The following ZNF276 variants were observed in gnomAD, a reference collection of about 807,000 sequenced individuals.
The protein encoded by ZNF276 is zinc finger protein 276, also known as centromere protein Z.
In ZNF276, 59 loss-of-function variants were observed where a neutral mutation model predicts 63.9. The observed-to-expected ratio is 0.92, with a 90% CI of 0.75 to 1.15. The LOEUF is 1.15. ZNF276 is among the 50% of genes most tolerant of loss of function. The probability of loss-of-function intolerance (pLI) is 0.00; values close to 1 mark genes in which losing one functional copy is unlikely to be tolerated. For missense variants in ZNF276, 1,084 were observed against 843.8 expected, an observed-to-expected ratio of 1.28 and a Z score of -3.53; for synonymous variants, 496 against 348.4, an observed-to-expected ratio of 1.42 and a Z score of -4.72.
intron 9 of ZNF276, among the ~76,000 whole-genome samples, chr16:89,734,359 T>A (rs2061778312): frequency 6.6e-6 from 1 of 152,104 alleles, no homozygotes; most frequent in African/African-American, 2.4e-5. Context: ...GGAGTCCTGC[T>A]CTGTTGCCCA....
At chr16:89,722,945 G>A in intron 2 of ZNF276, 111 bp downstream of exon 2, 1 of 1,555,418 alleles carries the variant, frequency 6.4e-7, no homozygotes, top group Non-Finnish European at 8.7e-7. Flanking sequence ...GGGGGGAATG[G>A]GCCATGCCCG....
At chr16:89,737,435 C>T (rs567843742) in intron 9 of ZNF276, 18 of 254,702 alleles carry the variant, frequency 7.1e-5, no homozygotes, top group African/African-American at 2.7e-4. Flanking sequence ...GCACAAGAAT[C>T]GCTTGAGCCT....
At chr16:89,724,280 G>A (rs912853949) in intron 4 of ZNF276, among the ~76,000 whole-genome samples, 1 of 152,206 alleles carries the variant, frequency 6.6e-6, no homozygotes, top group Non-Finnish European at 1.5e-5. Context: ...GCCAGGGCCA[G>A]TTTCCCTCCG....
rs781538321 is a variant in ZNF276, at chr16:89,733,338, G to T, written c.1206G>T (p.Lys402Asn). The change falls in exon 7 of 11, where the codon AAG becomes AAT. Residue 402 changes from lysine (K) to asparagine (N), a missense_variant. By Grantham distance (94) the Lys-to-Asn change is moderately conservative (BLOSUM62 0). Coordinates refer to ENST00000443381, the MANE Select transcript of ZNF276 (RefSeq NM_001113525.2). ...AGAAGAGTGAAAGCAAAGAAGCCAA[G>T]AAGTCTGAAGAACCAAGAATTCGGA... is the stretch of plus-strand genomic sequence containing the variant. ...SGKKSESKEA[K>N]KSEEPRIRKK... 4 of 1,614,048 alleles carry T rather than the reference G, an allele frequency of 2.5e-6. No individual in the cohort carries two copies. In the South Asian group the frequency reaches 3.3e-5, roughly 13 times the overall value.
In ZNF276 at chr16:89,739,693, G is replaced by A. The variant is rs2062076537; in HGVS notation, c.*1447G>A. On this transcript the variant is annotated 3_prime_UTR_variant, in exon 11 of 11. Transcript: ENST00000443381. The stretch of plus-strand genomic sequence containing the variant: ...TGTGGGGCGAACAGCCTGAGCTGAG[G>A]ATACCCAGGTACCTGTCAGCAGCTG... The A allele has an allele frequency of 2.0e-6, 3 of 1,509,586 alleles. No individual in the cohort carries two copies. Among genetic ancestry groups the A allele is most frequent in the South Asian group, 2.4e-5 (2 of 82,030 alleles). 93.5% of individuals were successfully genotyped at this position (1,509,586 alleles called of 1,614,324 possible).
intron 6 of ZNF276, chr16:89,732,692 G>A (rs1287516811): frequency 4.4e-5 from 7 of 159,678 alleles, no homozygotes; most frequent in East Asian, 2.1e-4. Context: ...GTGCTCACCC[G>A]ACCCTGCTGT....
chr16:89,734,747 A>C (rs909049202), intron 9 of ZNF276, among the ~76,000 whole-genome samples: 1 of 152,094 alleles, frequency 6.6e-6, no homozygotes, highest in Non-Finnish European at 1.5e-5. Context: ...CGTGTCATTA[A>C]GACCGGAGGC....
At chr16:89,728,515 G>T (rs968017953) in intron 5 of ZNF276, among the ~76,000 whole-genome samples, 9 of 152,086 alleles carry the variant, frequency 5.9e-5, no homozygotes, top group Non-Finnish European at 7.4e-5. Context: ...GCCATTCTCC[G>T]GCCTCAGCCT....
chr16:89,720,597 G>A, upstream of ZNF276: 23 of 1,225,900 alleles, frequency 1.9e-5, no homozygotes, highest in Non-Finnish European at 2.3e-5. Flanking sequence ...CTGCACGCCC[G>A]GCTGCGCCCC....
chr16:89,739,416 G>C lies in ZNF276; in HGVS notation c.*1170G>C. The C allele has an allele frequency of 6.4e-7, 1 of 1,555,092 alleles. No individual in the cohort carries two copies. The highest frequency in any genetic ancestry group is 1.2e-5 in the South Asian group (1 of 85,384). On this transcript the variant is annotated 3_prime_UTR_variant, in exon 11 of 11. Coordinates refer to ENST00000443381, the MANE Select transcript of ZNF276 (RefSeq NM_001113525.2). ...CCTTCCCATCTGGCGGGACCCAGAG[G>C]TGCTGAGATGGGGGTCTGGGAAACA...
In ZNF276 at chr16:89,740,180, A is replaced by G; in HGVS notation, c.*1934A>G. 6 of 1,084,886 alleles carry G rather than the reference A, an allele frequency of 5.5e-6. No homozygotes were observed. Among genetic ancestry groups the G allele is most frequent in the Non-Finnish European group, 8.6e-6 (6 of 698,660 alleles). The allele number at this position is 1,084,886 out of a possible 1,614,324, so 67.2% of individuals were successfully genotyped here. On this transcript the variant is annotated 3_prime_UTR_variant, in exon 11 of 11. Transcript: ENST00000443381. ...AGGAGGGTACAGCCCTCAGCACAGA[A>G]GAGGGCATTTCCTCTTTGCTTATTG...
chr16:89,740,011 A>T lies in ZNF276; in HGVS notation c.*1765A>T. ...TTTCTTACCACTCTCTGTCAACTGA[A>T]AGAGTGCCAGCCAGGATATCTTCCT... On this transcript the variant is annotated 3_prime_UTR_variant, in exon 11 of 11. Coordinates refer to ENST00000443381, the MANE Select transcript of ZNF276 (RefSeq NM_001113525.2). 1 of 1,614,136 alleles carries T rather than the reference A, an allele frequency of 6.2e-7. No individual in the cohort carries two copies. Among genetic ancestry groups the T allele is most frequent in the Non-Finnish European group, 8.5e-7 (1 of 1,179,986 alleles).
In ZNF276 at chr16:89,722,814, T is replaced by A. The variant is rs1256906411; in HGVS notation, c.489T>A (p.Gly163=). ...AGAGGGTCAACGCCTCCCCGGCTGGTCGCCGGAAGCCTTGTGCAAAGTACG... is the reference window on the plus strand; with the variant it reads ...AGAGGGTCAACGCCTCCCCGGCTGGACGCCGGAAGCCTTGTGCAAAGTACG... The part of the protein sequence containing the change: ...FLQRVNASPA[G]RRKPCAKVGA... Residue 163 remains glycine (G), a synonymous_variant, in exon 2 of 11, where the codon GGT becomes GGA. Transcript: ENST00000443381. The A allele has an allele frequency of 1.9e-6, 3 of 1,603,934 alleles. No homozygotes were observed. The highest frequency in any genetic ancestry group is 4.5e-5 in the East Asian group (2 of 44,884).
chr16:89,722,754 C>T lies in ZNF276; in HGVS notation c.429C>T (p.Phe143=), dbSNP rs1460728397. Residue 143 remains phenylalanine (F), a synonymous_variant, in exon 2 of 11, where the codon TTC becomes TTT. Coordinates refer to ENST00000443381, the MANE Select transcript of ZNF276 (RefSeq NM_001113525.2). ...PFVCKSCHAQ[F]YQCHSLLKSF... ...TCTGCAAGAGCTGCCACGCCCAGTT[C>T]TACCAGTGCCACAGCCTTCTCAAGT... is the stretch of plus-strand genomic sequence containing the variant. 1.9e-6 allele frequency: 3 copies of T among 1,611,326 alleles called. No homozygotes were observed. Among genetic ancestry groups the T allele is most frequent in the Non-Finnish European group, 2.5e-6 (3 of 1,180,024 alleles).
In ZNF276 at chr16:89,738,567, C is replaced by T. The variant is rs190645652; in HGVS notation, c.*321C>T. ...TTATGCTTGTAATAAATTATTTACA[C>T]GGGAGCTGGGCTGGTGTGCAGTGGC... On this transcript the variant is annotated 3_prime_UTR_variant, in exon 11 of 11. Coordinates refer to ENST00000443381, the MANE Select transcript of ZNF276 (RefSeq NM_001113525.2). 126 of 1,612,758 alleles carry T rather than the reference C, an allele frequency of 7.8e-5. No individual in the cohort carries two copies. The highest frequency in any genetic ancestry group is 2.0e-4 in the Middle Eastern group (1 of 5,120).
chr16:89,722,600 G>T lies in ZNF276; in HGVS notation c.275G>T (p.Arg92Leu). The stretch of plus-strand genomic sequence containing the variant: ...GGGAAGTTTTCCTCGAGAAGCCTGC[G>T]CAGCATCTCCGAGAGGGCGCCTGGA... ...CHGKFSSRSL[R>L]SISERAPGAS... The change falls in exon 2 of 11, where the codon CGC (arginine) becomes CTC (leucine). Residue 92 changes from arginine (R) to leucine (L), a missense_variant. Coordinates refer to ENST00000443381, the MANE Select transcript of ZNF276 (RefSeq NM_001113525.2). 6.2e-7 allele frequency: 1 copy of T among 1,612,162 alleles called. No individual in the cohort carries two copies. Among genetic ancestry groups the T allele is most frequent in the Non-Finnish European group, 8.5e-7 (1 of 1,180,010 alleles).
In ZNF276 at chr16:89,723,703, G is replaced by A; in HGVS notation, c.1000G>A (p.Ala334Thr). ...TCAGCCAAGCCTGCCCCTTTGCAGG[G>A]CCCCAGGTAGGAGGCACCTCTTGCT... ...PPQPSLPLCR[A>T]PGQLGEKQLP... The change falls in exon 4 of 11, where the codon GCC becomes ACC. Residue 334 changes from alanine (A) to threonine (T), a missense_variant. Physicochemically the swap from Ala to Thr is moderately conservative, Grantham distance 58. Transcript: ENST00000443381. 6.2e-7 allele frequency: 1 copy of A among 1,607,542 alleles called. No individual in the cohort carries two copies. Among genetic ancestry groups the A allele is most frequent in the Non-Finnish European group, 8.5e-7 (1 of 1,176,582 alleles).
chr16:89,739,452 C>G lies in ZNF276; in HGVS notation c.*1206C>G. 1.3e-6 allele frequency: 2 copies of G among 1,552,150 alleles called. No homozygotes were observed. ...GGGGTCTGGGAAACACTGCCCAGCC[C>G]TGACCAGCCCTGTGGGTGGAGGTAC... On this transcript the variant is annotated 3_prime_UTR_variant, in exon 11 of 11. Coordinates refer to ENST00000443381, the MANE Select transcript of ZNF276 (RefSeq NM_001113525.2).
chr16:89,722,034 G>C (rs939358389), intron 1 of ZNF276, among the ~76,000 whole-genome samples, 189 bp downstream of exon 1: 1 of 152,136 alleles, frequency 6.6e-6, no homozygotes, highest in Admixed American at 6.5e-5. Flanking sequence ...TGACGCCGGC[G>C]TCGCCGGCCC....
Sources: gnomAD v4.1 joint callset for allele counts (sites outside exome capture counted in the v4.1 genomes callset) on GRCh38, gnomAD v4.1.1 for gene constraint, MANE v1.5 for transcripts, NCBI Gene and HGNC (gene_info 2026-07-23, HGNC 2026-07-21) for gene names.